Variants in TMEM209 observed in about 807,000 individuals in gnomAD.
TMEM209 encodes the protein testicular tissue protein Li 202.
TMEM209 carries 65 observed loss-of-function variants against 76.2 expected under a neutral mutation model. The observed-to-expected ratio is 0.85, with a 90% CI of 0.70 to 1.05. TMEM209 has a LOEUF of 1.05. Ranked by LOEUF, TMEM209 falls within the 50% of genes least tolerant of loss-of-function variation. The pLI is 0.00. For missense variants in TMEM209, 623 were observed against 685.5 expected (o/e 0.91, Z 1.02); for synonymous variants, 239 against 237.6 (o/e 1.01, Z -0.06).
At chr7:130,203,647 C>A in intron 3 of TMEM209, 141 bp downstream of exon 3, 1 of 673,558 alleles carries the variant, frequency 1.5e-6, no homozygotes, top group South Asian at 2.1e-5. Context: ...ACCTTGCTCC[C>A]TTTCTGCTGT....
In TMEM209 at chr7:130,205,396, A is replaced by T; in HGVS notation, c.-21T>A. The T allele has an allele frequency of 6.2e-7, 1 of 1,613,696 alleles. No homozygotes were observed. Among genetic ancestry groups the T allele is most frequent in the Non-Finnish European group, 8.5e-7 (1 of 1,179,872 alleles). ...ACCATGTCCTCTGGCCGGAAAACGCAGGCTCGCGCCACTCTCTCTGGGCAT... is the reference window on the plus strand; with the variant it reads ...ACCATGTCCTCTGGCCGGAAAACGCTGGCTCGCGCCACTCTCTCTGGGCAT... On this transcript the variant is annotated 5_prime_UTR_variant, in exon 1 of 15. Coordinates refer to ENST00000397622, the MANE Select transcript of TMEM209 (RefSeq NM_032842.4).
intron 14 of TMEM209, among the ~76,000 whole-genome samples, chr7:130,167,518 A>G (rs1479243309): frequency 6.6e-6 from 1 of 152,172 alleles, no homozygotes; most frequent in Non-Finnish European, 1.5e-5. Flanking sequence ...ATAAAATCAT[A>G]TATGTTCTTT....
chr7:130,194,988 T>C (rs116523659), intron 5 of TMEM209, among the ~76,000 whole-genome samples: 3,196 of 152,226 alleles, frequency 0.021, 108 homozygotes, highest in African/African-American at 0.073. Flanking sequence ...TACATAATTA[T>C]ATACACTATA....
intron 6 of TMEM209, among the ~76,000 whole-genome samples, chr7:130,190,360 A>C (rs1187182155): frequency 6.6e-6 from 1 of 152,084 alleles, no homozygotes; most frequent in Non-Finnish European, 1.5e-5. Context: ...TCTACTAAAA[A>C]TACAAAAATT....
intron 14 of TMEM209, among the ~76,000 whole-genome samples, chr7:130,169,090 G>A (rs1796968829): frequency 6.6e-6 from 1 of 151,746 alleles, no homozygotes; most frequent in South Asian, 2.1e-4. Flanking sequence ...TACCCGGCAT[G>A]GTGGCGGGCA....
intron 9 of TMEM209, among the ~76,000 whole-genome samples, chr7:130,181,170 T>G (rs1292075815): frequency 6.6e-6 from 1 of 152,214 alleles, no homozygotes; most frequent in Non-Finnish European, 1.5e-5. Context: ...ATGGACAAAC[T>G]TTGAAAGCAT....
intron 8 of TMEM209, 61 bp downstream of exon 8, chr7:130,184,123 A>G: frequency 1.8e-6 from 2 of 1,135,272 alleles, no homozygotes; most frequent in South Asian, 1.4e-5. Context: ...TGATATTCTA[A>G]TAACATGCTT....
chr7:130,190,442 T>C (rs569723241), intron 6 of TMEM209, among the ~76,000 whole-genome samples: 1 of 151,338 alleles, frequency 6.6e-6, no homozygotes, highest in African/African-American at 2.4e-5. Flanking sequence ...CGCTTGAACC[T>C]GGGAGGCAGA....
chr7:130,199,394 T>C (rs183893336), intron 5 of TMEM209, among the ~76,000 whole-genome samples: 1 of 152,198 alleles, frequency 6.6e-6, no homozygotes, highest in African/African-American at 2.4e-5. Context: ...ATTTTTTGTA[T>C]TTTGTTTAGT....
At chr7:130,186,971 G>A (rs1444225547) in intron 6 of TMEM209, among the ~76,000 whole-genome samples, 1 of 152,064 alleles carries the variant, frequency 6.6e-6, no homozygotes, top group Non-Finnish European at 1.5e-5. Context: ...GCCAGTGCGC[G>A]GTGGCTCACG....
chr7:130,201,894 A>G lies in TMEM209; in HGVS notation c.529T>C (p.Tyr177His), dbSNP rs763294220. The G allele has an allele frequency of 1.9e-6, 3 of 1,613,854 alleles. No homozygotes were observed. In the African/African-American group the frequency reaches 4.0e-5, roughly 22 times the overall value. Residue 177 changes from tyrosine to histidine, a missense_variant, in exon 5 of 15, where the codon TAT becomes CAT. By Grantham distance (83) the Tyr-to-His change is moderately conservative. Coordinates refer to ENST00000397622, the MANE Select transcript of TMEM209 (RefSeq NM_032842.4). The stretch of plus-strand genomic sequence containing the variant: ...GGCGAGTAGGTCACTCCAGGGCTAT[A>G]AGAACCACTGCCACCTGAGGACAGA... ...QGLSSGGSGS[Y>H]SPGVTYSPVS...
chr7:130,180,116 A>G (rs992155225), intron 9 of TMEM209, among the ~76,000 whole-genome samples: 1 of 152,232 alleles, frequency 6.6e-6, no homozygotes, highest in Non-Finnish European at 1.5e-5. Flanking sequence ...GTAATTACTT[A>G]ATAACTAAGT....
Position 130,203,859 on chromosome 7 carries a change from T to C in TMEM209, c.141-13A>G. On this transcript the variant is annotated splice_polypyrimidine_tract_variant and intron_variant, in intron 2 of 14. Coordinates refer to ENST00000397622, the MANE Select transcript of TMEM209 (RefSeq NM_032842.4). ...CAATTTTCCAGTCCTGAAAAAAAATTAGAAAGGCTTTCCAGTGAACCTAAA... is the reference window on the plus strand; with the variant it reads ...CAATTTTCCAGTCCTGAAAAAAAATCAGAAAGGCTTTCCAGTGAACCTAAA... 1 of 1,598,000 alleles carries C rather than the reference T, an allele frequency of 6.3e-7. No homozygotes were observed. Among genetic ancestry groups the C allele is most frequent in the African/African-American group, 1.3e-5 (1 of 74,622 alleles).
chr7:130,173,500 T>C (rs1797139235), intron 13 of TMEM209, 132 bp downstream of exon 13: 2 of 635,472 alleles, frequency 3.1e-6, no homozygotes, highest in Non-Finnish European at 5.3e-6. Context: ...GTAAGAAATA[T>C]ATATGTAGGA....
chr7:130,194,444 C>G (rs569258588), intron 5 of TMEM209, among the ~76,000 whole-genome samples: 51 of 151,870 alleles, frequency 3.4e-4, no homozygotes, highest in African/African-American at 1.2e-3. Flanking sequence ...GACCCTATCT[C>G]TTAAAAAAAC....
chr7:130,195,006 T>C (rs1443793291), intron 5 of TMEM209, among the ~76,000 whole-genome samples: 2 of 152,172 alleles, frequency 1.3e-5, no homozygotes, highest in Admixed American at 1.3e-4. Flanking sequence ...ATATCTGGGC[T>C]ATTATTGCAT....
chr7:130,184,170 ATGTCAGAACTTACATTTC>A lies in TMEM209; in HGVS notation c.1019_1023+13del. On this transcript the variant is annotated splice_donor_variant and splice_donor_5th_base_variant and coding_sequence_variant and intron_variant, in exon 8 of 15. Coordinates refer to ENST00000397622, the MANE Select transcript of TMEM209 (RefSeq NM_032842.4). LOFTEE classifies it high-confidence loss of function. Reference sequence around the variant, plus strand: ...AGGCACTAATATTGTCCAAAGAGTAATGTCAGAACTTACATTTCTAAATTTAGCTGTCCATGAATCCAT... The same window carrying A: ...AGGCACTAATATTGTCCAAAGAGTAATAAATTTAGCTGTCCATGAATCCAT... The A allele has an allele frequency of 6.3e-7, 1 of 1,580,676 alleles. No homozygotes were observed. Among genetic ancestry groups the A allele is most frequent in the Non-Finnish European group, 8.6e-7 (1 of 1,159,600 alleles).
intron 6 of TMEM209, among the ~76,000 whole-genome samples, chr7:130,190,335 AG>A (rs986879241): frequency 6.6e-6 from 1 of 151,396 alleles, no homozygotes; most frequent in African/African-American, 2.4e-5. Flanking sequence ...CTGGCCAACA[AG>A]GGGAAACCCT....
rs777389483 is a variant in TMEM209, at chr7:130,201,980, G to A, written c.443C>T (p.Pro148Leu). The A allele has an allele frequency of 6.2e-7, 1 of 1,613,776 alleles. No homozygotes were observed. The highest frequency in any genetic ancestry group is 2.2e-5 in the East Asian group (1 of 44,898). Reference sequence around the variant, plus strand: ...GGTGGTGAACTTGGGACTGGTACTGGGCGAACGAGAAGGGCTATAACTCAA... The same window carrying A: ...GGTGGTGAACTTGGGACTGGTACTGAGCGAACGAGAAGGGCTATAACTCAA... Reference protein sequence around the residue: ...SVLSYSPSRSPSTSPKFTTSC... With the variant: ...SVLSYSPSRSLSTSPKFTTSC... The change falls in exon 5 of 15, where the codon CCC (proline) becomes CTC (leucine). Residue 148 changes from proline to leucine, a missense_variant. Transcript: ENST00000397622.
Sources: allele counts gnomAD v4.1 joint callset (sites outside exome capture counted in the v4.1 genomes callset), GRCh38; gene constraint gnomAD v4.1.1; transcripts MANE v1.5; gene names NCBI Gene and HGNC (gene_info 2026-07-23, HGNC 2026-07-21).